The following ARL6 variants were observed in gnomAD, a reference collection of about 807,000 sequenced individuals.
The protein encoded by ARL6 is ADP-ribosylation factor-like protein 6.
A neutral mutation model predicts 27.1 loss-of-function variants in ARL6; 18 were observed. That is an observed-to-expected ratio of 0.66 (90% CI 0.46 to 0.98). The LOEUF (loss-of-function observed/expected upper bound fraction) is 0.98. ARL6 is among the 50% of genes least tolerant of loss of function. The probability of loss-of-function intolerance (pLI) is 0.00; values close to 1 mark genes in which losing one functional copy is unlikely to be tolerated. For missense variants in ARL6, 187 were observed against 214.9 expected, an observed-to-expected ratio of 0.87 and a Z score of 0.81; for synonymous variants, 65 against 72.3, an observed-to-expected ratio of 0.90 and a Z score of 0.51.
chr3:97,778,905 G>C (rs1458954617), intron 2 of ARL6, among the ~76,000 whole-genome samples: 1 of 151,998 alleles, frequency 6.6e-6, no homozygotes, highest in South Asian at 2.1e-4. Flanking sequence ...AAAAAGCTTA[G>C]AGAATGATTA....
chr3:97,776,666 T>A (rs12632337), intron 2 of ARL6, among the ~76,000 whole-genome samples: 63,356 of 151,744 alleles, frequency 0.42, 14,215 homozygotes, highest in East Asian at 0.65. Flanking sequence ...TTATTTATTT[T>A]TTTTTTTTGA....
At chr3:97,780,539 T>C (rs937131629) in intron 3 of ARL6, 76 bp from the exon 4 acceptor site, 1 of 1,226,406 alleles carries the variant, frequency 8.2e-7, no homozygotes, top group Non-Finnish European at 1.2e-6. Context: ...ATTTCTTTGA[T>C]TGTAAATAAT....
intron 2 of ARL6, among the ~76,000 whole-genome samples, chr3:97,778,257 T>C (rs996922205): frequency 6.6e-6 from 1 of 152,088 alleles, no homozygotes; most frequent in Non-Finnish European, 1.5e-5. Context: ...TGGCAGGAAA[T>C]GAATTTTGTC....
chr3:97,775,408 G>T (rs1191652979), intron 2 of ARL6, among the ~76,000 whole-genome samples: 1 of 151,768 alleles, frequency 6.6e-6, no homozygotes, highest in Non-Finnish European at 1.5e-5. Context: ...GAAGCATCCA[G>T]CACGGTAGAA....
At position 97,800,346 on chromosome 3, in the gene ARL6, T is replaced by C. The variant is rs749632754; in HGVS notation, c.*2297T>C. On this transcript the variant is annotated 3_prime_UTR_variant, in exon 8 of 8. Coordinates refer to ENST00000463745, the MANE Select transcript of ARL6 (RefSeq NM_001278293.3). ...ATTTGTATTTAGCATATTATACAAT[T>C]AAAATGTATTTTATTAAACCTGAAG... 5 of 152,198 alleles carry C rather than the reference T, an allele frequency of 3.3e-5. No individual in the cohort carries two copies. Among genetic ancestry groups the C allele is most frequent in the African/African-American group, 7.2e-5 (3 of 41,456 alleles). 9.4% of individuals were successfully genotyped at this position (152,198 alleles called of 1,614,324 possible).
intron 7 of ARL6, among the ~76,000 whole-genome samples, chr3:97,795,597 T>A (rs1181613142): frequency 6.6e-6 from 1 of 152,184 alleles, no homozygotes; most frequent in Non-Finnish European, 1.5e-5. Flanking sequence ...TGATCAGTGT[T>A]GAATTACTTA....
rs1417026681 is a variant in ARL6 at position 97,798,929 on chromosome 3, T to C, written c.*880T>C. ...ACTTTTAAATGCCTCCAATTTACCA[T>C]AGCACTTTGTTAAAATAAATTGTGA... On this transcript the variant is annotated 3_prime_UTR_variant, in exon 8 of 8. Coordinates refer to ENST00000463745, the MANE Select transcript of ARL6 (RefSeq NM_001278293.3). 6.6e-6 allele frequency: 1 copy of C among 152,108 alleles called. No individual in the cohort carries two copies. Among genetic ancestry groups the C allele is most frequent in the African/African-American group, 2.4e-5 (1 of 41,462 alleles). 9.4% of individuals were successfully genotyped at this position (152,108 alleles called of 1,614,324 possible).
At chr3:97,774,394 A>G (rs907211297) in intron 2 of ARL6, among the ~76,000 whole-genome samples, 1 of 152,072 alleles carries the variant, frequency 6.6e-6, no homozygotes, top group Non-Finnish European at 1.5e-5. Context: ...AGGAGAATCA[A>G]CATTATCTTG....
rs1258699372 is a variant in ARL6, at chr3:97,764,867, G to C, written c.-138G>C. 6.6e-6 allele frequency: 1 copy of C among 152,264 alleles called. No individual in the cohort carries two copies. The highest frequency in any genetic ancestry group is 1.5e-5 in the Non-Finnish European group (1 of 68,108). 9.4% of individuals were successfully genotyped at this position (152,264 alleles called of 1,614,324 possible). ...CAGGCATCCTTCCCATGTAGGCATC[G>C]AGAAGAAGGCTGAGGGACCCTCGCA... On this transcript the variant is annotated 5_prime_UTR_variant, in exon 1 of 8. Transcript: ENST00000463745.
intron 4 of ARL6, among the ~76,000 whole-genome samples, chr3:97,784,260 TC>T (rs2037336756): frequency 6.6e-6 from 1 of 151,864 alleles, no homozygotes. Flanking sequence ...GCCTATGTGA[TC>T]CATGGGTGAA....
Position 97,784,971 on chromosome 3 carries a change from A to G in ARL6, c.271A>G (p.Ile91Val). Residue 91 changes from isoleucine to valine, a missense_variant, in exon 5 of 8, where the codon ATT (isoleucine) becomes GTT (valine). Physicochemically the swap from Ile to Val is conservative, Grantham distance 29. Coordinates refer to ENST00000463745, the MANE Select transcript of ARL6 (RefSeq NM_001278293.3). ...EHYYKEGQAI[I>V]FVIDSSDRLR... ...ATTACACAGAGAAGGCCAAGCTATT[A>G]TTTTTGTCATTGATAGTAGTGATAG... 1 of 1,612,310 alleles carries G rather than the reference A, an allele frequency of 6.2e-7. No homozygotes were observed. The highest frequency in any genetic ancestry group is 8.5e-7 in the Non-Finnish European group (1 of 1,178,730).
At chr3:97,765,686 C>A (rs555912819) in intron 1 of ARL6, among the ~76,000 whole-genome samples, 2 of 152,148 alleles carry the variant, frequency 1.3e-5, no homozygotes, top group South Asian at 4.1e-4. Context: ...CACTGGGTAG[C>A]TTTTAAAACT....
chr3:97,771,617 C>T (rs2036639198), intron 2 of ARL6, among the ~76,000 whole-genome samples: 1 of 151,978 alleles, frequency 6.6e-6, no homozygotes, highest in African/African-American at 2.4e-5. Context: ...TTTAGTTTTT[C>T]TCCATTCAGT....
Position 97,774,956 on chromosome 3 carries a change from T to G in ARL6, c.124-5203T>G, listed in dbSNP as rs189876122. Among the ~76,000 whole-genome samples the G allele has an allele frequency of 1.1e-4, 16 of 152,336 alleles. No homozygotes were observed. In the East Asian group the frequency reaches 2.9e-3, roughly 28 times the overall value. On this transcript the variant is annotated intron_variant, in intron 2 of 7. Transcript: ENST00000463745. ...TCTCCACATATAGTCAAAGGTATTATGTATAGAGTCACTAAACTACTTACC... is the reference window on the plus strand; with the variant it reads ...TCTCCACATATAGTCAAAGGTATTAGGTATAGAGTCACTAAACTACTTACC...
At chr3:97,781,524 A>C (rs373011530) in intron 4 of ARL6, among the ~76,000 whole-genome samples, 18 of 152,124 alleles carry the variant, frequency 1.2e-4, no homozygotes, top group African/African-American at 3.6e-4. Flanking sequence ...GATTTAAAGA[A>C]TATGGAAGAA....
At chr3:97,775,293 C>T (rs541108886) in intron 2 of ARL6, among the ~76,000 whole-genome samples, 1 of 152,264 alleles carries the variant, frequency 6.6e-6, no homozygotes, top group East Asian at 1.9e-4. Context: ...AGTATTAACT[C>T]ACGTGATCAC....
chr3:97,768,051 G>T, intron 1 of ARL6, 30 bp from the exon 2 acceptor site: 1 of 1,597,714 alleles, frequency 6.3e-7, no homozygotes, highest in Non-Finnish European at 8.6e-7. Context: ...AGGTGCCTTT[G>T]GGTAATATTT....
intron 2 of ARL6, among the ~76,000 whole-genome samples, chr3:97,770,871 T>C (rs924255401): frequency 2.4e-4 from 36 of 152,048 alleles, no homozygotes; most frequent in Non-Finnish European, 2.9e-5. Flanking sequence ...TCTCTTCTGT[T>C]GGTCTGTGTG....
intron 1 of ARL6, among the ~76,000 whole-genome samples, chr3:97,765,249 T>TGTAA (rs1553688360): frequency 2.7e-5 from 4 of 147,896 alleles, no homozygotes; most frequent in African/African-American, 1.0e-4. Flanking sequence ...TGTGTGTGTG[T>TGTAA]GTAAGTGTAA....
Sources: gnomAD v4.1 joint callset for allele counts (sites outside exome capture counted in the v4.1 genomes callset) on GRCh38, gnomAD v4.1.1 for gene constraint, MANE v1.5 for transcripts, NCBI Gene and HGNC (gene_info 2026-07-23, HGNC 2026-07-21) for gene names.